Variants in LPIN2 observed in about 807,000 individuals in gnomAD.
LPIN2 encodes the protein lipin 2, also known as phosphatidate phosphatase LPIN2.
LPIN2 carries 55 observed loss-of-function variants against 111.4 expected under a neutral mutation model. The ratio of observed to expected loss-of-function variants is 0.49; its 90% confidence interval spans 0.40 to 0.62. The LOEUF is 0.62. LPIN2 is among the 20% of genes least tolerant of loss of function. LPIN2 has a pLI of 0.00. For synonymous variants in LPIN2, 425 were observed against 414.0 expected (o/e 1.03, Z -0.32); for missense variants, 992 against 1,112.1 (o/e 0.89, Z 1.54).
intron 19 of LPIN2, 136 bp from the exon 20 acceptor site, chr18:2,920,573 G>A: frequency 1.0e-6 from 1 of 958,052 alleles, no homozygotes; most frequent in Non-Finnish European, 1.7e-6. Flanking sequence ...CCCATCACAG[G>A]GCTCAAACTC....
At chr18:2,932,428 C>A (rs1187204723) in intron 8 of LPIN2, among the ~76,000 whole-genome samples, 1 of 152,202 alleles carries the variant, frequency 6.6e-6, no homozygotes, top group Admixed American at 6.5e-5. Context: ...GTTTCAAAAC[C>A]TGTTTCCCAT....
chr18:2,990,790 A>C, intron 1 of LPIN2: 1 of 384,556 alleles, frequency 2.6e-6, no homozygotes, highest in Admixed American at 3.3e-5. Context: ...GACTGACAAA[A>C]TAAGGGTTGC....
intron 1 of LPIN2, among the ~76,000 whole-genome samples, chr18:3,000,220 A>G (rs1319503618): frequency 1.3e-5 from 2 of 152,138 alleles, no homozygotes; most frequent in Admixed American, 6.5e-5. Flanking sequence ...AAAAAGATGA[A>G]TATCAGAGCA....
Position 2,920,134 on chromosome 18 carries a change from G to A in LPIN2, c.*159C>T, listed in dbSNP as rs761947823. 3.9e-5 allele frequency: 36 copies of A among 933,430 alleles called. No individual in the cohort carries two copies. The highest frequency in any genetic ancestry group is 5.6e-5 in the Non-Finnish European group (34 of 604,982). 57.8% of individuals were successfully genotyped at this position (933,430 alleles called of 1,614,324 possible). On this transcript the variant is annotated 3_prime_UTR_variant, in exon 20 of 20. Transcript: ENST00000677752. ...TGAGCTGCAGACCTGCCGAGCCTGA[G>A]CAGCTGGCCTGGGAAGGCAAAGGAG...
intron 2 of LPIN2, among the ~76,000 whole-genome samples, chr18:2,957,450 C>A (rs2077630247): frequency 6.6e-6 from 1 of 152,090 alleles, no homozygotes; most frequent in Non-Finnish European, 1.5e-5. Context: ...AAATGAAATC[C>A]AAAATGCTCT....
intron 1 of LPIN2, among the ~76,000 whole-genome samples, chr18:3,005,496 T>C (rs749570993): frequency 1.8e-4 from 27 of 151,956 alleles, no homozygotes; most frequent in Non-Finnish European, 2.2e-4. Context: ...TCAGCTGATA[T>C]AGCAAGACCC....
At chr18:2,968,219 G>C (rs868061297) in intron 1 of LPIN2, among the ~76,000 whole-genome samples, 18 of 152,128 alleles carry the variant, frequency 1.2e-4, no homozygotes, top group Non-Finnish European at 2.2e-4. Context: ...TGAATACACC[G>C]AGTATCCAGA....
rs376244958 is a variant in LPIN2, at chr18:2,951,816, C to T, written c.289-460G>A. Among the ~76,000 whole-genome samples the T allele has an allele frequency of 2.3e-4, 35 of 152,288 alleles. No homozygotes were observed. The East Asian group carries it at 2.9e-3, about 13-fold the overall frequency. ...AAAGGGCAGCAGGACAGGTGAGTGACGCGAGGATGCAGTGATACAGAGCGG... is the reference window on the plus strand; with the variant it reads ...AAAGGGCAGCAGGACAGGTGAGTGATGCGAGGATGCAGTGATACAGAGCGG... On this transcript the variant is annotated intron_variant, in intron 3 of 19. Transcript: ENST00000677752.
At chr18:2,991,687 G>C (rs1488457507) in intron 1 of LPIN2, among the ~76,000 whole-genome samples, 2 of 151,936 alleles carry the variant, frequency 1.3e-5, no homozygotes, top group Non-Finnish European at 2.9e-5. Context: ...ACTCCAACCT[G>C]AGCACCAGAA....
At chr18:2,962,110 T>C (rs1041178996) in intron 1 of LPIN2, among the ~76,000 whole-genome samples, 1 of 152,224 alleles carries the variant, frequency 6.6e-6, no homozygotes, top group Non-Finnish European at 1.5e-5. Flanking sequence ...AGAAATTCAC[T>C]CTGCTCTTCA....
At chr18:2,959,103 A>C (rs577309093) in intron 2 of LPIN2, among the ~76,000 whole-genome samples, 2 of 152,190 alleles carry the variant, frequency 1.3e-5, no homozygotes, top group Non-Finnish European at 2.9e-5. Context: ...ACTATGGCTA[A>C]ATAACACTGT....
At chr18:2,924,364 G>C (rs752239361) in intron 15 of LPIN2, 34 bp downstream of exon 15, 1 of 1,613,788 alleles carries the variant, frequency 6.2e-7, no homozygotes, top group Non-Finnish European at 8.5e-7. Flanking sequence ...GCACGGGGCT[G>C]TTCCTTGCCA....
intron 2 of LPIN2, among the ~76,000 whole-genome samples, chr18:2,957,859 T>C (rs2077636055): frequency 6.6e-6 from 1 of 152,010 alleles, no homozygotes; most frequent in African/African-American, 2.4e-5. Flanking sequence ...TTAACTTTGA[T>C]AAATAATCTG....
rs140430664 is a variant in LPIN2 at position 2,919,816 on chromosome 18, G to A, written c.*477C>T. The A allele has an allele frequency of 2.3e-4, 50 of 215,322 alleles. No individual in the cohort carries two copies. Among genetic ancestry groups the A allele is most frequent in the Admixed American group, 4.2e-4 (8 of 19,146 alleles). The allele number at this position is 215,322 out of a possible 1,614,324, so 13.3% of individuals were successfully genotyped here. On this transcript the variant is annotated 3_prime_UTR_variant, in exon 20 of 20. Transcript: ENST00000677752. The stretch of plus-strand genomic sequence containing the variant: ...GAAATGAGGCGACCAGAGAAGAAAC[G>A]TGCACAGGCAGCTTCAGCCAGCATC...
intron 1 of LPIN2, among the ~76,000 whole-genome samples, chr18:2,976,307 C>T (rs146681421): frequency 1.3e-5 from 2 of 152,288 alleles, no homozygotes; most frequent in Non-Finnish European, 2.9e-5. Flanking sequence ...AGATGGACTA[C>T]CATTGCAACT....
At chr18:2,920,633 A>C in intron 19 of LPIN2, 145 bp downstream of exon 19, 4 of 803,590 alleles carry the variant, frequency 5.0e-6, no homozygotes, top group Non-Finnish European at 8.5e-6. Context: ...GATATTGTGA[A>C]AGAGAGATAC....
At chr18:3,008,269 T>TTG (rs1238945665) in intron 1 of LPIN2, among the ~76,000 whole-genome samples, 1 of 152,120 alleles carries the variant, frequency 6.6e-6, no homozygotes, top group African/African-American at 2.4e-5. Flanking sequence ...TGATGATACC[T>TTG]TGTCCTACAG....
chr18:3,009,633 G>T (rs1481411285), intron 1 of LPIN2, among the ~76,000 whole-genome samples: 1 of 151,834 alleles, frequency 6.6e-6, no homozygotes, highest in Non-Finnish European at 1.5e-5. Flanking sequence ...TAGAGACAGG[G>T]TTTCACCACG....
chr18:2,945,559 T>A (rs770647843), intron 4 of LPIN2: 1 of 1,478,320 alleles, frequency 6.8e-7, no homozygotes, highest in Non-Finnish European at 9.4e-7. Context: ...ATCTGCTGTG[T>A]CGTCTTTTTG....
Sources: allele counts gnomAD v4.1 joint callset (sites outside exome capture counted in the v4.1 genomes callset), GRCh38; gene constraint gnomAD v4.1.1; transcripts MANE v1.5; gene names NCBI Gene and HGNC (gene_info 2026-07-23, HGNC 2026-07-21).